The following SLC25A21 variants were observed in gnomAD, a reference collection of about 807,000 sequenced individuals.
The protein encoded by SLC25A21 is solute carrier family 25 member 21, also known as mitochondrial 2-oxodicarboxylate carrier.
SLC25A21 carries 47 observed loss-of-function variants against 43.8 expected under a neutral mutation model. That is an observed-to-expected ratio of 1.07 (90% CI 0.85 to 1.37). The LOEUF is 1.37. Among genes scored for constraint, SLC25A21 ranks in the 40% most tolerant of loss-of-function variants. The pLI, the probability that SLC25A21 is intolerant of heterozygous loss-of-function variation, is 0.00. For missense variants in SLC25A21, 352 were observed against 350.2 expected, an observed-to-expected ratio of 1.00 and a Z score of -0.04; for synonymous variants, 131 against 121.3, an observed-to-expected ratio of 1.08 and a Z score of -0.52.
intron 1 of SLC25A21, among the ~76,000 whole-genome samples, chr14:36,997,105 T>C (rs1019104503): frequency 5.3e-5 from 8 of 152,056 alleles, no homozygotes; most frequent in Admixed American, 1.3e-4. Context: ...AGGATTACGA[T>C]GTGGGAACCC....
At chr14:37,049,590 A>C (rs1014543755) in intron 1 of SLC25A21, among the ~76,000 whole-genome samples, 37 of 152,268 alleles carry the variant, frequency 2.4e-4, no homozygotes, top group African/African-American at 8.4e-4. Context: ...AAGGAATAAC[A>C]TATCATAGAA....
At chr14:36,874,462 A>T (rs1453684816) in intron 2 of SLC25A21, among the ~76,000 whole-genome samples, 1 of 152,154 alleles carries the variant, frequency 6.6e-6, no homozygotes, top group South Asian at 2.1e-4. Flanking sequence ...GCTTGCACTG[A>T]CCATATTATG....
At chr14:37,044,614 A>C (rs994663688) in intron 1 of SLC25A21, among the ~76,000 whole-genome samples, 4 of 152,214 alleles carry the variant, frequency 2.6e-5, no homozygotes, top group Non-Finnish European at 5.9e-5. Flanking sequence ...GTGATTGATC[A>C]TTCTCTTTAG....
intron 1 of SLC25A21, among the ~76,000 whole-genome samples, chr14:37,083,404 CTCTT>C (rs2138841046): frequency 6.6e-6 from 1 of 152,294 alleles, no homozygotes; most frequent in Non-Finnish European, 1.5e-5. Flanking sequence ...CATGATTCTT[CTCTT>C]TAACAACAAT....
intron 3 of SLC25A21, among the ~76,000 whole-genome samples, chr14:36,760,331 A>AGGAGGAAGGAAG: frequency 7.3e-6 from 1 of 136,754 alleles, no homozygotes; most frequent in South Asian, 2.6e-4. Flanking sequence ...GCAGCTAGGC[A>AGGAGGAAGGAAG]GAAGGAAGGA....
At chr14:37,125,180 C>T (rs1167607264) in intron 1 of SLC25A21, among the ~76,000 whole-genome samples, 9 of 152,240 alleles carry the variant, frequency 5.9e-5, no homozygotes. Flanking sequence ...CTCAGAGTGT[C>T]GGTTTCCACA....
chr14:37,108,810 CAA>C (rs1022791222), intron 1 of SLC25A21, among the ~76,000 whole-genome samples: 1 of 151,512 alleles, frequency 6.6e-6, no homozygotes, highest in African/African-American at 2.4e-5. Flanking sequence ...AAAAATAGGA[CAA>C]GTCATAATAT....
At chr14:37,013,537 T>C (rs1960778834) in intron 1 of SLC25A21, among the ~76,000 whole-genome samples, 2 of 152,204 alleles carry the variant, frequency 1.3e-5, no homozygotes, top group Non-Finnish European at 2.9e-5. Flanking sequence ...TCTCTTAATA[T>C]ATAAGTAACA....
At chr14:36,890,439 T>C (rs1253169088) in intron 1 of SLC25A21, among the ~76,000 whole-genome samples, 3 of 152,010 alleles carry the variant, frequency 2.0e-5, no homozygotes, top group African/African-American at 7.2e-5. Context: ...ATTGAGGACA[T>C]GATGGGGATG....
intron 1 of SLC25A21, among the ~76,000 whole-genome samples, chr14:37,046,698 T>A (rs1399475237): frequency 1.3e-5 from 2 of 152,220 alleles, no homozygotes; most frequent in African/African-American, 4.8e-5. Context: ...GATTGATTTC[T>A]TAAACCCTGT....
intron 1 of SLC25A21, among the ~76,000 whole-genome samples, chr14:36,922,333 C>T (rs116117795): frequency 6.6e-6 from 1 of 152,118 alleles, no homozygotes; most frequent in Admixed American, 6.6e-5. Context: ...TCTCTATGAT[C>T]GTTCCTGCAT....
intron 1 of SLC25A21, among the ~76,000 whole-genome samples, chr14:37,118,573 T>C (rs1260922127): frequency 1.3e-5 from 2 of 152,210 alleles, no homozygotes; most frequent in Non-Finnish European, 2.9e-5. Context: ...GAAGAACCCA[T>C]TGAGTGGTTA....
intron 1 of SLC25A21, among the ~76,000 whole-genome samples, chr14:37,129,813 T>G (rs973173748): frequency 3.9e-5 from 6 of 151,944 alleles, no homozygotes; most frequent in African/African-American, 1.2e-4. Flanking sequence ...CTCAATTATA[T>G]GTATTCTATT....
intron 3 of SLC25A21, among the ~76,000 whole-genome samples, chr14:36,742,223 A>T (rs1005953025): frequency 2.6e-5 from 4 of 152,118 alleles, no homozygotes; most frequent in African/African-American, 9.7e-5. Flanking sequence ...TCCTAATACA[A>T]AGCTGATTGA....
At chr14:36,737,955 T>C (rs1445814772) in intron 3 of SLC25A21, among the ~76,000 whole-genome samples, 1 of 152,220 alleles carries the variant, frequency 6.6e-6, no homozygotes, top group African/African-American at 2.4e-5. Flanking sequence ...TTGTATGAGA[T>C]ACTCAGTGAC....
intron 1 of SLC25A21, among the ~76,000 whole-genome samples, chr14:37,090,220 CAT>C (rs1962559259): frequency 6.6e-6 from 1 of 152,222 alleles, no homozygotes; most frequent in South Asian, 2.1e-4. Context: ...AAATTGAAGA[CAT>C]ATGTTCCAGT....
At chr14:37,067,759 A>T (rs1962090837) in intron 1 of SLC25A21, among the ~76,000 whole-genome samples, 1 of 152,262 alleles carries the variant, frequency 6.6e-6, no homozygotes, top group African/African-American at 2.4e-5. Flanking sequence ...TACAAATCCT[A>T]TCAGTAAAAA....
chr14:36,862,630 G>A (rs980784397), intron 2 of SLC25A21, among the ~76,000 whole-genome samples: 2 of 151,994 alleles, frequency 1.3e-5, no homozygotes, highest in Non-Finnish European at 2.9e-5. Flanking sequence ...GCTAGGGGAG[G>A]AATAGCATTA....
chr14:36,688,880 G>A (rs1274807290), intron 7 of SLC25A21, among the ~76,000 whole-genome samples: 1 of 152,168 alleles, frequency 6.6e-6, no homozygotes, highest in African/African-American at 2.4e-5. Flanking sequence ...AGTATAAGAA[G>A]GGATTTTTTG....
Sources: gnomAD v4.1 joint callset for allele counts (sites outside exome capture counted in the v4.1 genomes callset) on GRCh38, gnomAD v4.1.1 for gene constraint, MANE v1.5 for transcripts, NCBI Gene and HGNC (gene_info 2026-07-23, HGNC 2026-07-21) for gene names.